Variants in SENP6 observed in about 807,000 individuals in gnomAD.
The protein encoded by SENP6 is sentrin-specific protease 6.
In SENP6, 41 loss-of-function variants were observed where a neutral mutation model predicts 134.5. The observed-to-expected ratio is 0.30, with a 90% CI of 0.24 to 0.40. The LOEUF (loss-of-function observed/expected upper bound fraction) is 0.40, where lower values mean the gene tolerates loss of function less well. Ranked by LOEUF, SENP6 falls within the 10% of genes least tolerant of loss-of-function variation. The pLI, the probability that SENP6 is intolerant of heterozygous loss-of-function variation, is 1.00. For synonymous variants in SENP6, 395 were observed against 429.8 expected (o/e 0.92, Z 1.00); for missense variants, 1,248 against 1,312.5 (o/e 0.95, Z 0.76).
intron 16 of SENP6, among the ~76,000 whole-genome samples, chr6:75,680,632 A>C (rs987209760): frequency 6.6e-6 from 1 of 152,186 alleles, no homozygotes; most frequent in Non-Finnish European, 1.5e-5. Context: ...AGATCAAGGC[A>C]GATAAGGGCT....
chr6:75,652,061 C>T (rs903325926), intron 7 of SENP6, among the ~76,000 whole-genome samples: 1 of 152,006 alleles, frequency 6.6e-6, no homozygotes, highest in Non-Finnish European at 1.5e-5. Context: ...CCTGTAGTCC[C>T]ATCTGCTTGG....
At chr6:75,685,370 T>G (rs1255887567) in intron 16 of SENP6, among the ~76,000 whole-genome samples, 1 of 152,184 alleles carries the variant, frequency 6.6e-6, no homozygotes, top group Non-Finnish European at 1.5e-5. Context: ...GGGTTTTTTT[T>G]GTCTCTATCT....
intron 1 of SENP6, among the ~76,000 whole-genome samples, chr6:75,621,139 G>A (rs1185538480): frequency 6.6e-6 from 1 of 152,164 alleles, no homozygotes; most frequent in Admixed American, 6.5e-5. Flanking sequence ...TGAGTTTAAG[G>A]GAGAGTCTAG....
At chr6:75,684,614 T>C (rs1773700456) in intron 16 of SENP6, among the ~76,000 whole-genome samples, 1 of 152,212 alleles carries the variant, frequency 6.6e-6, no homozygotes, top group Non-Finnish European at 1.5e-5. Flanking sequence ...TGAAGGGATG[T>C]TGAATTTTGT....
At chr6:75,703,137 G>A (rs543427207) in intron 19 of SENP6, 65 bp downstream of exon 19, 12 of 1,289,076 alleles carry the variant, frequency 9.3e-6, no homozygotes, top group Non-Finnish European at 1.3e-5. Context: ...TTAATAAACA[G>A]GATTAAGATC....
rs1046020335 is a variant in SENP6 at position 75,700,188 on chromosome 6, G to A, written c.2289-2457G>A. Reference sequence around the variant, plus strand: ...AGCCTCCCATAGCACCAGGATTACAGGCATGAGCCACTGCGCCTGGCCAAA... The same window carrying A: ...AGCCTCCCATAGCACCAGGATTACAAGCATGAGCCACTGCGCCTGGCCAAA... On this transcript the variant is annotated intron_variant, in intron 18 of 23. Transcript: ENST00000447266. Among the ~76,000 whole-genome samples the A allele has an allele frequency of 3.9e-5, 6 of 151,970 alleles. 1 individual carries two copies. The South Asian group carries it at 1.2e-3, about 31-fold the overall frequency.
At chr6:75,676,202 A>T (rs1186449662) in intron 13 of SENP6, 148 bp downstream of exon 13, 1 of 500,810 alleles carries the variant, frequency 2.0e-6, no homozygotes, top group African/African-American at 2.0e-5. Flanking sequence ...AATAGATATT[A>T]CTTTCTCCAT....
chr6:75,690,077 A>G (rs930015539), intron 16 of SENP6, among the ~76,000 whole-genome samples: 3 of 152,102 alleles, frequency 2.0e-5, no homozygotes, highest in South Asian at 4.1e-4. Context: ...ACACCCTGCT[A>G]ATTTTTTCAC....
At chr6:75,712,609 C>G (rs1246173114) in intron 21 of SENP6, among the ~76,000 whole-genome samples, 1 of 151,690 alleles carries the variant, frequency 6.6e-6, no homozygotes, top group Admixed American at 6.6e-5. Flanking sequence ...CTACATTAGA[C>G]TTCCTTACTT....
chr6:75,711,324 A>G lies in SENP6; in HGVS notation c.2821-4A>G, dbSNP rs1374527000. 2 of 1,607,566 alleles carry G rather than the reference A, an allele frequency of 1.2e-6. No individual in the cohort carries two copies. The highest frequency in any genetic ancestry group is 1.7e-6 in the Non-Finnish European group (2 of 1,175,180). ...CAGTATTAACAGTAGGCTGTCTTTT[A>G]TAGGATGATAGCAGTGACGATGGAT... On this transcript the variant is annotated splice_region_variant and splice_polypyrimidine_tract_variant and intron_variant, in intron 20 of 23. Transcript: ENST00000447266.
chr6:75,670,961 T>A (rs9360930), intron 11 of SENP6, among the ~76,000 whole-genome samples: 17,195 of 152,174 alleles, frequency 0.11, 992 homozygotes, highest in African/African-American at 0.14. Flanking sequence ...AAACTTTCAA[T>A]GAGTTAGAAA....
chr6:75,605,305 A>G (rs928073689), intron 1 of SENP6, among the ~76,000 whole-genome samples: 11 of 152,234 alleles, frequency 7.2e-5, no homozygotes, highest in Non-Finnish European at 1.0e-4. Context: ...GGTGAAGTGC[A>G]TAAGAGAGTC....
intron 7 of SENP6, 122 bp downstream of exon 7, chr6:75,647,923 A>G: frequency 1.7e-6 from 1 of 584,488 alleles, no homozygotes; most frequent in Non-Finnish European, 2.8e-6. Context: ...GTAGAAAACC[A>G]TTTTTTTGTA....
chr6:75,630,270 A>G (rs1769010183), intron 3 of SENP6, among the ~76,000 whole-genome samples: 2 of 152,044 alleles, frequency 1.3e-5, no homozygotes, highest in South Asian at 2.1e-4. Flanking sequence ...GGGTTTCACC[A>G]TGTTGGTCAG....
At chr6:75,674,370 G>A (rs908369784) in intron 11 of SENP6, among the ~76,000 whole-genome samples, 7 of 151,988 alleles carry the variant, frequency 4.6e-5, no homozygotes, top group Admixed American at 2.0e-4. Context: ...TGCCCAGGCT[G>A]GAGTGCAGTG....
chr6:75,647,774 G>T lies in SENP6; in HGVS notation c.523G>T (p.Val175Leu). 6.2e-7 allele frequency: 1 copy of T among 1,612,866 alleles called. No homozygotes were observed. The change falls in exon 7 of 24, where the codon GTA becomes TTA. Residue 175 changes from valine to leucine, a missense_variant. Physicochemically the swap from Val to Leu is conservative, Grantham distance 32. Transcript: ENST00000447266. ...PHVQKVEINP[V>L]RLSRLQGVER... ...TGTCCAAAAAGTTGAAATTAATCCT[G>T]TAAGGTTAAGTCGGCTCCAAGGTGT...
At chr6:75,703,835 T>C (rs141596234) in intron 19 of SENP6, among the ~76,000 whole-genome samples, 19 of 152,320 alleles carry the variant, frequency 1.2e-4, no homozygotes, top group African/African-American at 4.1e-4. Context: ...TTTTGTAGTC[T>C]GTCACTTCTG....
At position 75,621,537 on chromosome 6, in the gene SENP6, G is replaced by A; in HGVS notation, c.58G>A (p.Ala20Thr). The A allele has an allele frequency of 5.6e-6, 9 of 1,603,124 alleles. No homozygotes were observed. Among genetic ancestry groups the A allele is most frequent in the Non-Finnish European group, 7.7e-6 (9 of 1,171,870 alleles). ...GCAGTTTGTTTTTATTTCAGCTTTG[G>A]CTAGATCAGAGTCTAAGAGAGATGG... ...AGEITFLEAL[A>T]RSESKRDGGF... The change falls in exon 2 of 24, where the codon GCT becomes ACT. Residue 20 changes from alanine to threonine, a missense_variant. Physicochemically the swap from Ala to Thr is moderately conservative, Grantham distance 58. Transcript: ENST00000447266.
intron 7 of SENP6, among the ~76,000 whole-genome samples, chr6:75,654,198 T>C (rs1468720842): frequency 6.6e-6 from 1 of 152,178 alleles, no homozygotes; most frequent in East Asian, 1.9e-4. Flanking sequence ...TGATCACGCC[T>C]CTGCACTCCA....
Sources: gnomAD v4.1 joint callset for allele counts (sites outside exome capture counted in the v4.1 genomes callset) on GRCh38, gnomAD v4.1.1 for gene constraint, MANE v1.5 for transcripts, NCBI Gene and HGNC (gene_info 2026-07-23, HGNC 2026-07-21) for gene names.